DUS1L: variants seen among roughly 807,000 people sequenced by gnomAD.
DUS1L encodes the protein tRNA-dihydrouridine(16/17) synthase [NAD(P)(+)]-like.
DUS1L carries 56 observed loss-of-function variants against 61.2 expected under a neutral mutation model. The ratio of observed to expected loss-of-function variants is 0.92; its 90% CI spans 0.74 to 1.14. The LOEUF is 1.14. DUS1L is among the 50% of genes most tolerant of loss of function. DUS1L has a pLI of 0.00. For synonymous variants in DUS1L, 278 were observed against 259.5 expected (o/e 1.07, Z -0.69); for missense variants, 630 against 632.4 (o/e 1.00, Z 0.04).
Position 82,058,371 on chromosome 17 carries a change from G to A in DUS1L, c.1252C>T (p.Arg418Ter), listed in dbSNP as rs770981128. 11 of 1,488,034 alleles carry A rather than the reference G, an allele frequency of 7.4e-6. No homozygotes were observed. The East Asian group carries it at 9.5e-5, about 13-fold the overall frequency. The allele number at this position is 1,488,034 out of a possible 1,614,324, so 92.2% of individuals were successfully genotyped here. A position where few individuals can be genotyped will look rare whatever the true frequency, so the allele number is the denominator to read the frequency against. ...CAGTCTGCAGTCTCTTTGGAGGCTC[G>A]CTTCTTGCAGCAGCCGCGGCACAGG... is the stretch of plus-strand genomic sequence containing the variant. ...FSLCRGCCKK[R>*]ASKETADCPG... Residue 418 changes from arginine (R) to a stop codon, truncating the protein, a stop_gained, in exon 13 of 14, where the codon CGA becomes TGA. Coordinates refer to ENST00000306796, the MANE Select transcript of DUS1L (RefSeq NM_022156.5). LOFTEE classifies it high-confidence loss of function.
chr17:82,060,188 G>A (rs759769129), intron 10 of DUS1L, 95 bp from the exon 11 acceptor site: 136 of 1,480,674 alleles, frequency 9.2e-5, no homozygotes, highest in Middle Eastern at 2.4e-4. Context: ...GGGGCCAGGC[G>A]GCCGTGGCGA....
At chr17:82,061,597 G>C in intron 7 of DUS1L, 21 bp downstream of exon 7, 1 of 1,599,726 alleles carries the variant, frequency 6.3e-7, no homozygotes, top group Non-Finnish European at 8.5e-7. Flanking sequence ...GGCCCTGGCT[G>C]CTGTCCTGGG....
intron 11 of DUS1L, chr17:82,059,207 A>T (rs1598547920): frequency 4.7e-6 from 1 of 211,906 alleles, no homozygotes; most frequent in Non-Finnish European, 9.7e-6. Flanking sequence ...GAAGGGTCAA[A>T]TCAAGAATTC....
intron 10 of DUS1L, 88 bp downstream of exon 10, chr17:82,060,613 G>T (rs1228925796): frequency 1.3e-6 from 2 of 1,492,486 alleles, no homozygotes; most frequent in Admixed American, 2.0e-5. Flanking sequence ...AATGGCTGAG[G>T]ACAAGCAGGG....
intron 1 of DUS1L, chr17:82,065,412 G>A (rs907552513): frequency 4.0e-6 from 1 of 249,908 alleles, no homozygotes; most frequent in Non-Finnish European, 7.7e-6. Flanking sequence ...GGTGAAGTTA[G>A]GACCCCCGGC....
chr17:82,058,717 C>T (rs1345133635), intron 12 of DUS1L, 64 bp downstream of exon 12: 1 of 1,609,438 alleles, frequency 6.2e-7, no homozygotes, highest in Admixed American at 1.7e-5. Flanking sequence ...CCAAGCAGTG[C>T]AGAGACCACC....
At chr17:82,060,219 G>C in intron 10 of DUS1L, 126 bp from the exon 11 acceptor site, 1 of 1,290,146 alleles carries the variant, frequency 7.8e-7, no homozygotes, top group Non-Finnish European at 1.0e-6. Flanking sequence ...TGTGAGGAGT[G>C]CCCTCCTTTC....
rs114350519 is a variant in DUS1L at position 82,061,621 on chromosome 17, C to T, written c.694G>A (p.Ala232Thr). The change falls in exon 7 of 14, where the codon GCA (alanine) becomes ACA (threonine). Residue 232 changes from alanine (A) to threonine (T), a missense_variant. Physicochemically the swap from Ala to Thr is moderately conservative, Grantham distance 58 (BLOSUM62 0). Coordinates refer to ENST00000306796, the MANE Select transcript of DUS1L (RefSeq NM_022156.5). ...TGCTGTCCTGGGCCCTGCCCACCTGCGCTCATGACGCCCTGCACACCCGTG... is the reference window on the plus strand; with the variant it reads ...TGCTGTCCTGGGCCCTGCCCACCTGTGCTCATGACGCCCTGCACACCCGTG... Reference protein sequence around the residue: ...RDTGVQGVMSAEGNLHNPALF... With the variant: ...RDTGVQGVMSTEGNLHNPALF... 6.1e-5 allele frequency: 99 copies of T among 1,610,886 alleles called. No homozygotes were observed. The highest frequency in any genetic ancestry group is 7.9e-5 in the Non-Finnish European group (93 of 1,179,402).
rs772461190 is a variant in DUS1L at position 82,065,076 on chromosome 17, G to T, written c.-10-7C>A. On this transcript the variant is annotated splice_region_variant and splice_polypyrimidine_tract_variant and intron_variant, in intron 1 of 13. Coordinates refer to ENST00000306796, the MANE Select transcript of DUS1L (RefSeq NM_022156.5). Reference sequence around the variant, plus strand: ...CTTTGGCATCGTCTCCAGGCTGGGGGAAAGGCGCAGACCCGGGGTTCAGCC... The same window carrying T: ...CTTTGGCATCGTCTCCAGGCTGGGGTAAAGGCGCAGACCCGGGGTTCAGCC... The T allele has an allele frequency of 6.3e-7, 1 of 1,576,612 alleles. No homozygotes were observed. Among genetic ancestry groups the T allele is most frequent in the Admixed American group, 1.8e-5 (1 of 56,118 alleles).
At chr17:82,060,290 G>A (rs2033416411) in intron 10 of DUS1L, 197 bp from the exon 11 acceptor site, 1 of 678,632 alleles carries the variant, frequency 1.5e-6, no homozygotes, top group Non-Finnish European at 2.4e-6. Context: ...GATGGAGTCC[G>A]CAGCTCGGGC....
In DUS1L at chr17:82,061,301, C is replaced by T; in HGVS notation, c.750G>A (p.Trp250Ter). Residue 250 changes from tryptophan to a stop codon, truncating the protein, a stop_gained, in exon 8 of 14, where the codon TGG (tryptophan) becomes TGA (stop). Coordinates refer to ENST00000306796, the MANE Select transcript of DUS1L (RefSeq NM_022156.5). LOFTEE classifies it high-confidence loss of function. ...ALFEGRSPAV[W>*]ELAEEYLDIV... ...TGTCCAGATACTCCTCGGCCAGCTCCCACACGGCAGGGCTCCGGCCCTCGA... is the reference window on the plus strand; with the variant it reads ...TGTCCAGATACTCCTCGGCCAGCTCTCACACGGCAGGGCTCCGGCCCTCGA... 6.2e-7 allele frequency: 1 copy of T among 1,610,884 alleles called. No individual in the cohort carries two copies. The highest frequency in any genetic ancestry group is 8.5e-7 in the Non-Finnish European group (1 of 1,178,772).
chr17:82,065,083 G>C lies in DUS1L; in HGVS notation c.-10-14C>G. 1 of 1,565,574 alleles carries C rather than the reference G, an allele frequency of 6.4e-7. No homozygotes were observed. The highest frequency in any genetic ancestry group is 8.7e-7 in the Non-Finnish European group (1 of 1,154,506). On this transcript the variant is annotated splice_polypyrimidine_tract_variant and intron_variant, in intron 1 of 13. Coordinates refer to ENST00000306796, the MANE Select transcript of DUS1L (RefSeq NM_022156.5). ...ATCGTCTCCAGGCTGGGGGAAAGGC[G>C]CAGACCCGGGGTTCAGCCAGGCCCA... is the stretch of plus-strand genomic sequence containing the variant.
chr17:82,061,539 G>A (rs1188074690), intron 7 of DUS1L, 79 bp downstream of exon 7: 1 of 1,478,636 alleles, frequency 6.8e-7, no homozygotes, highest in Non-Finnish European at 9.3e-7. Flanking sequence ...AGGGCAGTAG[G>A]CAGTGGGAGG....
In DUS1L at chr17:82,058,199, G is replaced by C. The variant is rs1288088406; in HGVS notation, c.1338C>G (p.Ala446=). 11 of 1,600,934 alleles carry C rather than the reference G, an allele frequency of 6.9e-6. No homozygotes were observed. Among genetic ancestry groups the C allele is most frequent in the Non-Finnish European group, 8.5e-6 (10 of 1,171,204 alleles). ...KLEKSLAWKE[A]QPELQEPQPA... ...GCTGAGGCTCCTGCAGCTCAGGCTG[G>C]GCCTCTTTCCAGGCCAGAGACTTCT... The change falls in exon 14 of 14, where the codon GCC becomes GCG. Residue 446 remains alanine (A), a synonymous_variant. Coordinates refer to ENST00000306796, the MANE Select transcript of DUS1L (RefSeq NM_022156.5).
In DUS1L at chr17:82,063,479, A is replaced by C. The variant is rs2033608457; in HGVS notation, c.386T>G (p.Leu129Arg). The C allele has an allele frequency of 6.2e-7, 1 of 1,613,710 alleles. No homozygotes were observed. The highest frequency in any genetic ancestry group is 1.3e-5 in the African/African-American group (1 of 75,050). ...CCCAGCCAACTCACTCATTCTTTGG[A>C]GCAGGTCCCACTCGTCCTGCAGAAA... ...GAFLQDEWDL[L>R]QRMILLAHEK... Residue 129 changes from leucine (L) to arginine (R), a missense_variant, in exon 4 of 14, where the codon CTC becomes CGC. Leu to Arg is a moderately radical substitution (Grantham distance 102). Transcript: ENST00000306796.
Position 82,062,988 on chromosome 17 carries a change from G to A in DUS1L, c.398-15C>T, listed in dbSNP as rs1187973217. 6.2e-7 allele frequency: 1 copy of A among 1,604,780 alleles called. No individual in the cohort carries two copies. The highest frequency in any genetic ancestry group is 2.2e-5 in the East Asian group (1 of 44,838). On this transcript the variant is annotated splice_polypyrimidine_tract_variant and intron_variant, in intron 4 of 13. Transcript: ENST00000306796. ...GGCCAGCAAAACTGGGGAGAAGAGA[G>A]GCAGCTTCTGAGGGGGCCATGGTGT...
At position 82,062,067 on chromosome 17, in the gene DUS1L, C is replaced by G; in HGVS notation, c.511-84G>C. ...CTCCGCCCCTCCACGCCCCCTCTGC[C>G]CCTACTCCACCCCTCCGAGCCCCCT... On this transcript the variant is annotated intron_variant, in intron 5 of 13. Coordinates refer to ENST00000306796, the MANE Select transcript of DUS1L (RefSeq NM_022156.5). 2.4e-6 allele frequency: 3 copies of G among 1,239,626 alleles called. No individual in the cohort carries two copies. The South Asian group carries it at 4.5e-5, about 19-fold the overall frequency. The allele number at this position is 1,239,626 out of a possible 1,614,324, so 76.8% of individuals were successfully genotyped here.
intron 3 of DUS1L, among the ~76,000 whole-genome samples, chr17:82,063,734 C>A (rs1288448452): frequency 1.3e-5 from 2 of 152,194 alleles, no homozygotes; most frequent in African/African-American, 4.8e-5. Context: ...CTCTATTTGC[C>A]CAGCTGCCTA....
chr17:82,058,302 C>T, intron 13 of DUS1L, 39 bp downstream of exon 13: 1 of 1,530,116 alleles, frequency 6.5e-7, no homozygotes, highest in Non-Finnish European at 8.8e-7. Context: ...CGGAGGGGGT[C>T]TGTTTGCCTG....
Sources: allele counts gnomAD v4.1 joint callset (sites outside exome capture counted in the v4.1 genomes callset), GRCh38; gene constraint gnomAD v4.1.1; transcripts MANE v1.5; gene names NCBI Gene and HGNC (gene_info 2026-07-23, HGNC 2026-07-21).